LAMA4: variants seen among roughly 807,000 people sequenced by gnomAD.
LAMA4 encodes laminin subunit alpha-4.
In LAMA4, 127 loss-of-function variants were observed where a neutral mutation model predicts 207.1. That is an observed-to-expected ratio of 0.61 (90% confidence interval 0.53 to 0.71). LAMA4 has a LOEUF of 0.71. LAMA4 is among the 30% of genes least tolerant of loss of function. The pLI, the probability that LAMA4 is intolerant of heterozygous loss-of-function variation, is 0.00. For synonymous variants in LAMA4, 761 were observed against 816.0 expected (o/e 0.93, Z 1.15); for missense variants, 2,093 against 2,246.5 (o/e 0.93, Z 1.38).
chr6:112,148,447 T>G lies in LAMA4; in HGVS notation c.2174-111A>C. 4.6e-6 allele frequency: 5 copies of G among 1,093,664 alleles called. No homozygotes were observed. In the South Asian group the frequency reaches 7.0e-5, roughly 15 times the overall value. 67.7% of individuals were successfully genotyped at this position (1,093,664 alleles called of 1,614,324 possible). ...AAACAGATCTCACATTTTGGGCTCT[T>G]AAGCAAAAGTAAGATTTTTGGATAA... On this transcript the variant is annotated intron_variant, in intron 17 of 38. Coordinates refer to ENST00000230538, the MANE Select transcript of LAMA4 (RefSeq NM_001105206.3).
At chr6:112,140,675 A>T in intron 22 of LAMA4, 85 bp downstream of exon 22, 1 of 1,290,684 alleles carries the variant, frequency 7.7e-7, no homozygotes, top group Non-Finnish European at 1.1e-6. Flanking sequence ...GATATCAGCA[A>T]CCCCCAAGTC....
intron 5 of LAMA4, 129 bp from the exon 6 acceptor site, chr6:112,191,979 T>A: frequency 1.2e-6 from 1 of 804,782 alleles, no homozygotes; most frequent in Non-Finnish European, 2.1e-6. Context: ...ATTTGCACTC[T>A]CTCATCTTCT....
intron 4 of LAMA4, among the ~76,000 whole-genome samples, chr6:112,205,299 A>T (rs1783994001): frequency 6.6e-6 from 1 of 152,200 alleles, no homozygotes; most frequent in Admixed American, 6.5e-5. Context: ...TCCTCCACAC[A>T]TATTATCCTA....
chr6:112,196,139 CT>C (rs1281677458), intron 5 of LAMA4, among the ~76,000 whole-genome samples: 5 of 152,076 alleles, frequency 3.3e-5, no homozygotes, highest in African/African-American at 1.2e-4. Context: ...TAATTAATAT[CT>C]CATCACCTAG....
chr6:112,163,586 G>A (rs957885928), intron 13 of LAMA4, among the ~76,000 whole-genome samples: 3 of 152,022 alleles, frequency 2.0e-5, no homozygotes, highest in Non-Finnish European at 4.4e-5. Flanking sequence ...GACCTGGACA[G>A]GAACAGTCTC....
At chr6:112,251,850 G>A (rs1787481415) in intron 2 of LAMA4, among the ~76,000 whole-genome samples, 1 of 152,144 alleles carries the variant, frequency 6.6e-6, no homozygotes, top group South Asian at 2.1e-4. Flanking sequence ...TCTTCTTTCT[G>A]TTTTTCAAAA....
At chr6:112,189,014 G>C in intron 7 of LAMA4, 96 bp downstream of exon 7, 1 of 908,394 alleles carries the variant, frequency 1.1e-6, no homozygotes, top group Admixed American at 2.0e-5. Flanking sequence ...GGACTCAGCA[G>C]TTTCTAGAGA....
At chr6:112,151,467 G>A (rs1269416927) in intron 16 of LAMA4, among the ~76,000 whole-genome samples, 1 of 152,084 alleles carries the variant, frequency 6.6e-6, no homozygotes, top group Non-Finnish European at 1.5e-5. Context: ...ATGAATTTGG[G>A]AGAATTGTCA....
chr6:112,110,692 A>G (rs1777640992), intron 38 of LAMA4, among the ~76,000 whole-genome samples: 1 of 152,220 alleles, frequency 6.6e-6, no homozygotes, highest in Admixed American at 6.5e-5. Flanking sequence ...AATGCTTATA[A>G]GAGGTAGAAA....
Position 112,122,173 on chromosome 6 carries a change from C to T in LAMA4, c.4316G>A (p.Trp1439Ter), listed in dbSNP as rs1163181576. 1 of 1,613,598 alleles carries T rather than the reference C, an allele frequency of 6.2e-7. No individual in the cohort carries two copies. Among genetic ancestry groups the T allele is most frequent in the Non-Finnish European group, 8.5e-7 (1 of 1,179,784 alleles). Reference protein sequence around the residue: ...KGGKSKDAPSWDPVALKLPER... With the variant: ...KGGKSKDAPS Reference sequence around the variant, plus strand: ...TGGGAGTTTCAGAGCAACAGGATCCCATGAAGGTGCATCTTTACTTTTCCC... The same window carrying T: ...TGGGAGTTTCAGAGCAACAGGATCCTATGAAGGTGCATCTTTACTTTTCCC... Residue 1439 changes from tryptophan (W) to a stop codon, truncating the protein, a stop_gained, in exon 32 of 39, where the codon TGG (tryptophan) becomes TAG (stop). Transcript: ENST00000230538. LOFTEE classifies it high-confidence loss of function.
At chr6:112,196,106 C>T (rs1783404585) in intron 5 of LAMA4, among the ~76,000 whole-genome samples, 1 of 151,976 alleles carries the variant, frequency 6.6e-6, no homozygotes, top group South Asian at 2.1e-4. Flanking sequence ...ACATGTGTAC[C>T]ATGTATAATG....
chr6:112,243,127 AACATTCATTGACCACAT>A (rs1554187994), intron 2 of LAMA4, among the ~76,000 whole-genome samples: 16 of 152,282 alleles, frequency 1.1e-4, no homozygotes, highest in Middle Eastern at 3.4e-3. Context: ...GAGACCCATG[AACATTCATTGACCACAT>A]GGAGACACAC....
chr6:112,172,966 T>TA (rs1199264829), intron 11 of LAMA4, among the ~76,000 whole-genome samples, 162 bp from the exon 12 acceptor site: 24 of 152,180 alleles, frequency 1.6e-4, no homozygotes, highest in Non-Finnish European at 2.9e-4. Context: ...AGATTTGAAG[T>TA]AAAAAATGCT....
chr6:112,250,930 A>G (rs1324862607), intron 2 of LAMA4, among the ~76,000 whole-genome samples: 3 of 152,136 alleles, frequency 2.0e-5, no homozygotes, highest in African/African-American at 7.2e-5. Flanking sequence ...TTTTCCTGCT[A>G]TAGTGTGTGT....
chr6:112,181,362 G>A (rs1782345578), intron 9 of LAMA4, among the ~76,000 whole-genome samples: 1 of 152,136 alleles, frequency 6.6e-6, no homozygotes, highest in African/African-American at 2.4e-5. Context: ...GAGTCCACAG[G>A]CTGAAGTCCC....
intron 12 of LAMA4, among the ~76,000 whole-genome samples, chr6:112,168,116 C>G (rs11968750): frequency 6.7e-6 from 1 of 149,734 alleles, no homozygotes; most frequent in Non-Finnish European, 1.5e-5. Context: ...GAGAATGGCA[C>G]GAACCCGGGA....
At chr6:112,189,040 T>C in intron 7 of LAMA4, 70 bp downstream of exon 7, 1 of 1,159,898 alleles carries the variant, frequency 8.6e-7, no homozygotes, top group Non-Finnish European at 1.3e-6. Context: ...ATTGCATAGC[T>C]TTTCTTAATC....
chr6:112,115,149 A>G (rs1733932812), intron 36 of LAMA4, among the ~76,000 whole-genome samples: 1 of 152,146 alleles, frequency 6.6e-6, no homozygotes, highest in South Asian at 2.1e-4. Context: ...ATTATAAGCG[A>G]TACTGTTACC....
At chr6:112,140,244 A>G (rs1779610157) in intron 22 of LAMA4, among the ~76,000 whole-genome samples, 1 of 152,222 alleles carries the variant, frequency 6.6e-6, no homozygotes, top group Non-Finnish European at 1.5e-5. Flanking sequence ...GCCCATAACT[A>G]GTAATAATAG....
Sources: gnomAD v4.1 joint callset for allele counts (sites outside exome capture counted in the v4.1 genomes callset) on GRCh38, gnomAD v4.1.1 for gene constraint, MANE v1.5 for transcripts, NCBI Gene and HGNC (gene_info 2026-07-23, HGNC 2026-07-21) for gene names.